The following ZBTB7C variants were observed in gnomAD, a reference collection of about 807,000 sequenced individuals.
ZBTB7C encodes the protein zinc finger and BTB domain-containing protein 7C.
Under a neutral mutation model 25.7 loss-of-function variants are expected in ZBTB7C, and 8 were observed. The ratio of observed to expected loss-of-function variants is 0.31; its 90% CI spans 0.18 to 0.56. The LOEUF is 0.56. ZBTB7C is among the 20% of genes least tolerant of loss of function. The pLI, the probability that ZBTB7C is intolerant of heterozygous loss-of-function variation, is 0.91. For synonymous variants in ZBTB7C, 394 were observed against 369.0 expected, an observed-to-expected ratio of 1.07 and a Z score of -0.78; for missense variants, 824 against 855.2, an observed-to-expected ratio of 0.96 and a Z score of 0.46.
chr18:48,367,228 C>T (rs2047253829), intron 1 of ZBTB7C, among the ~76,000 whole-genome samples: 2 of 85,286 alleles, frequency 2.3e-5, no homozygotes, highest in African/African-American at 7.3e-5. Flanking sequence ...CACACACACA[C>T]ACACATACAT....
At chr18:48,313,801 C>A (rs542367267) in intron 2 of ZBTB7C, among the ~76,000 whole-genome samples, 21 of 152,182 alleles carry the variant, frequency 1.4e-4, no homozygotes, top group Non-Finnish European at 1.9e-4. Context: ...GCATCCCCTC[C>A]AAATCTCATG....
intron 3 of ZBTB7C, among the ~76,000 whole-genome samples, chr18:48,157,802 C>T (rs2040881340): frequency 6.6e-6 from 1 of 152,150 alleles, no homozygotes; most frequent in African/African-American, 2.4e-5. Context: ...GCCACATAAG[C>T]ATGCTAAAAT....
chr18:48,274,870 C>G (rs2044598761), intron 2 of ZBTB7C, among the ~76,000 whole-genome samples: 1 of 152,158 alleles, frequency 6.6e-6, no homozygotes, highest in Admixed American at 6.5e-5. Context: ...TCAATGAGCA[C>G]CTGCTCTTGG....
At chr18:48,171,637 G>A (rs922586365) in intron 3 of ZBTB7C, among the ~76,000 whole-genome samples, 4 of 152,346 alleles carry the variant, frequency 2.6e-5, no homozygotes, top group East Asian at 1.9e-4. Context: ...AGAGGCTTCC[G>A]GAACTGTGCT....
chr18:48,253,276 C>T (rs1034489715), intron 2 of ZBTB7C, among the ~76,000 whole-genome samples: 1 of 151,934 alleles, frequency 6.6e-6, no homozygotes, highest in African/African-American at 2.4e-5. Context: ...AAAATAAATA[C>T]CTTTAAAAAT....
At position 48,040,219 on chromosome 18, in the gene ZBTB7C, G is replaced by GCTCCTCCTT. The variant is rs2036161760; in HGVS notation, c.880_888dup (p.Lys294_Glu296dup). ...AAGGGTGGCGGTGGGGGTGGGGGCA[G>GCTCCTCCTT]CTCCTCCTTCTCCTCCTCCTTGATC... On this transcript the variant is annotated inframe_insertion, in exon 4 of 5. Coordinates refer to ENST00000590800, the MANE Select transcript of ZBTB7C (RefSeq NM_001318841.2). 6.4e-7 allele frequency: 1 copy of GCTCCTCCTT among 1,571,966 alleles called. No homozygotes were observed. The highest frequency in any genetic ancestry group is 8.6e-7 in the Non-Finnish European group (1 of 1,160,870).
chr18:48,122,842 T>C (rs1040791289), intron 3 of ZBTB7C, among the ~76,000 whole-genome samples: 1 of 152,174 alleles, frequency 6.6e-6, no homozygotes, highest in Admixed American at 6.5e-5. Flanking sequence ...AGCAAACGAA[T>C]GAATGAGCAG....
At chr18:48,373,687 CACTA>C (rs1412405968) in intron 1 of ZBTB7C, among the ~76,000 whole-genome samples, 1 of 152,208 alleles carries the variant, frequency 6.6e-6, no homozygotes, top group East Asian at 1.9e-4. Context: ...GTGGGCCGGG[CACTA>C]TGGCTCACGC....
chr18:48,093,997 T>C (rs2144569839), intron 3 of ZBTB7C, among the ~76,000 whole-genome samples: 2 of 152,224 alleles, frequency 1.3e-5, no homozygotes, highest in Non-Finnish European at 2.9e-5. Flanking sequence ...AGGCGGAGCT[T>C]GCAGTGAGCT....
At position 48,040,397 on chromosome 18, in the gene ZBTB7C, G is replaced by A; in HGVS notation, c.711C>T (p.Pro237=). Residue 237 remains proline (P), a synonymous_variant, in exon 4 of 5, where the codon CCC becomes CCT. Transcript: ENST00000590800. The stretch of plus-strand genomic sequence containing the variant: ...GTCTCCTGTCGGGGATGTTGGCCTT[G>A]GGGTACAGGTTCTCCCTTAGCAGAG... ...IESLLRENLY[P]KANIPDRRPS... 6.2e-7 allele frequency: 1 copy of A among 1,612,026 alleles called. No individual in the cohort carries two copies. The highest frequency in any genetic ancestry group is 8.5e-7 in the Non-Finnish European group (1 of 1,178,938).
At chr18:48,130,169 A>G (rs918233811) in intron 3 of ZBTB7C, among the ~76,000 whole-genome samples, 5 of 152,214 alleles carry the variant, frequency 3.3e-5, no homozygotes, top group Non-Finnish European at 7.3e-5. Context: ...TTGTACCTCT[A>G]GAGATTAACC....
At chr18:48,257,409 G>A (rs1363221670) in intron 2 of ZBTB7C, among the ~76,000 whole-genome samples, 1 of 152,114 alleles carries the variant, frequency 6.6e-6, no homozygotes, top group African/African-American at 2.4e-5. Flanking sequence ...GTAATTAAAT[G>A]TGTACTTAAA....
At chr18:48,118,697 C>G (rs1290296161) in intron 3 of ZBTB7C, among the ~76,000 whole-genome samples, 2 of 152,084 alleles carry the variant, frequency 1.3e-5, no homozygotes, top group African/African-American at 4.8e-5. Context: ...AGTATGCGAC[C>G]TAAATTAAAA....
chr18:48,214,526 TA>T (rs377206813), intron 2 of ZBTB7C, among the ~76,000 whole-genome samples: 2 of 152,238 alleles, frequency 1.3e-5, no homozygotes, highest in African/African-American at 4.8e-5. Context: ...AGAAGCTGGT[TA>T]AAACCTACCA....
At chr18:48,281,154 G>A (rs533640957) in intron 2 of ZBTB7C, among the ~76,000 whole-genome samples, 3 of 152,090 alleles carry the variant, frequency 2.0e-5, no homozygotes, top group East Asian at 1.9e-4. Flanking sequence ...ATGTCTGGCT[G>A]TAATTTTTTT....
intron 1 of ZBTB7C, among the ~76,000 whole-genome samples, chr18:48,396,607 C>T (rs372313059): frequency 2.6e-4 from 39 of 152,232 alleles, no homozygotes; most frequent in Admixed American, 1.7e-3. Flanking sequence ...ATAAATCCAC[C>T]GAAGGAAGCA....
At position 48,027,375 on chromosome 18, in the gene ZBTB7C, T is replaced by C. The variant is rs1162113035; in HGVS notation, c.*1885A>G. Reference sequence around the variant, plus strand: ...ATTCATGTTTCCTTTTTTTTTTTTTTTCCTCTCTTTTAAAGTCTGGTTCAG... The same window carrying C: ...ATTCATGTTTCCTTTTTTTTTTTTTCTCCTCTCTTTTAAAGTCTGGTTCAG... On this transcript the variant is annotated 3_prime_UTR_variant, in exon 5 of 5. Coordinates refer to ENST00000590800, the MANE Select transcript of ZBTB7C (RefSeq NM_001318841.2). 3 of 151,484 alleles carry C rather than the reference T, an allele frequency of 2.0e-5. No individual in the cohort carries two copies. Among genetic ancestry groups the C allele is most frequent in the Non-Finnish European group, 4.4e-5 (3 of 67,938 alleles). 9.4% of individuals were successfully genotyped at this position (151,484 alleles called of 1,614,324 possible).
At chr18:48,110,568 A>C (rs1321912300) in intron 3 of ZBTB7C, among the ~76,000 whole-genome samples, 1 of 152,160 alleles carries the variant, frequency 6.6e-6, no homozygotes, top group Non-Finnish European at 1.5e-5. Flanking sequence ...TATGATTCTT[A>C]ATCACTCCTT....
intron 1 of ZBTB7C, among the ~76,000 whole-genome samples, chr18:48,379,206 T>C (rs2047585004): frequency 6.6e-6 from 1 of 152,192 alleles, no homozygotes; most frequent in Non-Finnish European, 1.5e-5. Context: ...TCTATTCTGT[T>C]CTATTGACCT....
Sources: allele counts gnomAD v4.1 joint callset (sites outside exome capture counted in the v4.1 genomes callset), GRCh38; gene constraint gnomAD v4.1.1; transcripts MANE v1.5; gene names NCBI Gene and HGNC (gene_info 2026-07-23, HGNC 2026-07-21).